Variants in KMT2C observed in about 807,000 individuals in gnomAD.
KMT2C encodes the protein lysine methyltransferase 2C, also known as histone-lysine N-methyltransferase 2C.
KMT2C carries 88 observed loss-of-function variants against 507.9 expected under a neutral mutation model. The observed-to-expected ratio is 0.17, with a 90% confidence interval of 0.15 to 0.21. The LOEUF (loss-of-function observed/expected upper bound fraction) is 0.21, where lower values mean the gene tolerates loss of function less well. KMT2C is among the 10% of genes least tolerant of loss of function. The pLI is 1.00. For synonymous variants in KMT2C, 2,049 were observed against 2,080.8 expected, an observed-to-expected ratio of 0.98 and a Z score of 0.42; for missense variants, 4,954 against 5,957.8, an observed-to-expected ratio of 0.83 and a Z score of 5.55.
intron 44 of KMT2C, chr7:152,157,873 T>C (rs41274985): frequency 2.4e-4 from 328 of 1,339,416 alleles, no homozygotes; most frequent in Non-Finnish European, 3.2e-4. Flanking sequence ...AGGAAGAAAG[T>C]GCGCAAAGTT....
chr7:152,214,088 T>C (rs564351203), intron 23 of KMT2C, among the ~76,000 whole-genome samples: 1 of 152,076 alleles, frequency 6.6e-6, no homozygotes, highest in South Asian at 2.1e-4. Context: ...TGAGGATGTG[T>C]AGAAAACGAA....
chr7:152,156,066 GC>G lies in KMT2C; in HGVS notation c.11813-10del, dbSNP rs747394136. The stretch of plus-strand genomic sequence containing the variant: ...TCCTAGAGTTTTGGTAACTGGAAAA[GC>G]AAAAACACAAAACCATAAATACATT... On this transcript the variant is annotated splice_polypyrimidine_tract_variant and intron_variant, in intron 45 of 58. Coordinates refer to ENST00000262189, the MANE Select transcript of KMT2C (RefSeq NM_170606.3). 1 of 1,595,164 alleles carries G rather than the reference GC, an allele frequency of 6.3e-7. No homozygotes were observed. Among genetic ancestry groups the G allele is most frequent in the Non-Finnish European group, 8.5e-7 (1 of 1,172,976 alleles).
chr7:152,345,399 A>G (rs549482503), intron 2 of KMT2C, among the ~76,000 whole-genome samples: 57 of 152,016 alleles, frequency 3.7e-4, no homozygotes, highest in Middle Eastern at 6.8e-3. Flanking sequence ...ATATGATGGC[A>G]CCACTGCACT....
intron 51 of KMT2C, among the ~76,000 whole-genome samples, chr7:152,150,554 G>C (rs950181271): frequency 6.6e-6 from 1 of 152,084 alleles, no homozygotes; most frequent in African/African-American, 2.4e-5. Context: ...GGCAGAGTCT[G>C]CAGTGAGCCA....
chr7:152,433,906 G>C (rs560333794), intron 1 of KMT2C, among the ~76,000 whole-genome samples: 1 of 152,266 alleles, frequency 6.6e-6, no homozygotes, highest in Non-Finnish European at 1.5e-5. Flanking sequence ...GGAGTATGGG[G>C]TGTGGGGTGT....
chr7:152,400,437 T>C (rs1396509052), intron 1 of KMT2C, among the ~76,000 whole-genome samples: 1 of 152,158 alleles, frequency 6.6e-6, no homozygotes. Flanking sequence ...GAAATTTCAG[T>C]TTAATGAGGA....
intron 54 of KMT2C, 33 bp downstream of exon 54, chr7:152,145,120 T>C (rs746744209): frequency 1.9e-6 from 3 of 1,602,634 alleles, no homozygotes; most frequent in Admixed American, 1.7e-5. Context: ...CTAGAAACCC[T>C]GGGCTGTACT....
chr7:152,411,958 C>G (rs1314027112), intron 1 of KMT2C, among the ~76,000 whole-genome samples: 3 of 152,316 alleles, frequency 2.0e-5, no homozygotes, highest in Admixed American at 6.5e-5. Context: ...ATTCTTTGGT[C>G]AATTTTGCAG....
At chr7:152,297,085 GAGAGAGAGAA>G (rs1159644667) in intron 6 of KMT2C, among the ~76,000 whole-genome samples, 14 of 149,930 alleles carry the variant, frequency 9.3e-5, no homozygotes, top group South Asian at 6.4e-4. Context: ...GAGAGAGAGA[GAGAGAGAGAA>G]AGAAAGAAAG....
chr7:152,169,874 T>C (rs2092886368), intron 40 of KMT2C, among the ~76,000 whole-genome samples: 1 of 152,126 alleles, frequency 6.6e-6, no homozygotes, highest in African/African-American at 2.4e-5. Context: ...ATAAAAAGTA[T>C]TTAATTCGTT....
chr7:152,240,644 G>A (rs1286132897), intron 14 of KMT2C, among the ~76,000 whole-genome samples: 2 of 152,244 alleles, frequency 1.3e-5, no homozygotes, highest in African/African-American at 4.8e-5. Flanking sequence ...TCCCTTAACC[G>A]GTTTCATCCC....
At chr7:152,191,373 A>G (rs1037807940) in intron 31 of KMT2C, among the ~76,000 whole-genome samples, 1 of 152,176 alleles carries the variant, frequency 6.6e-6, no homozygotes, top group African/African-American at 2.4e-5. Context: ...GTTTATACAT[A>G]GTCTAATTCA....
chr7:152,251,901 A>T, intron 11 of KMT2C, 38 bp downstream of exon 11: 1 of 1,529,666 alleles, frequency 6.5e-7, no homozygotes, highest in Non-Finnish European at 8.8e-7. Flanking sequence ...AACATTACAA[A>T]AACAAAAAAT....
At chr7:152,303,144 A>G (rs2096586061) in intron 6 of KMT2C, among the ~76,000 whole-genome samples, 1 of 152,206 alleles carries the variant, frequency 6.6e-6, no homozygotes, top group Non-Finnish European at 1.5e-5. Context: ...TTTCTCTAGT[A>G]AAAAATGAAT....
chr7:152,415,297 T>C (rs1299719443), intron 1 of KMT2C, among the ~76,000 whole-genome samples: 2 of 151,488 alleles, frequency 1.3e-5, no homozygotes, highest in Non-Finnish European at 2.9e-5. Flanking sequence ...AATCAAATGA[T>C]TTTACTTTCT....
rs775240894 is a variant in KMT2C, at chr7:152,177,108, T to C, written c.8345A>G (p.Asp2782Gly). The C allele has an allele frequency of 1.1e-5, 17 of 1,613,046 alleles. No individual in the cohort carries two copies. Among genetic ancestry groups the C allele is most frequent in the Admixed American group, 3.3e-5 (2 of 60,000 alleles). Residue 2782 changes from aspartate (D) to glycine (G), a missense_variant, in exon 38 of 59, where the codon GAT (aspartate) becomes GGT (glycine). This residue lies in a region of KMT2C where 1,689 missense variants were observed against 1,654.3 expected (regional missense o/e 1.02). Coordinates refer to ENST00000262189, the MANE Select transcript of KMT2C (RefSeq NM_170606.3). ...MFNEELDLPI[D>G]DKLDNQCVSV... ...TACACACTGATTATCTAACTTATCA[T>C]CAATTGGAAGGTCTAGTTCCTCATT...
rs909480295 is a variant in KMT2C, at chr7:152,203,003, A to T, written c.4023T>A (p.Thr1341=). The T allele has an allele frequency of 6.2e-6, 10 of 1,610,036 alleles. No homozygotes were observed. The African/African-American group carries it at 1.3e-4, about 22-fold the overall frequency. Residue 1341 remains threonine (T), a synonymous_variant, in exon 26 of 59, where the codon ACT becomes ACA. Coordinates refer to ENST00000262189, the MANE Select transcript of KMT2C (RefSeq NM_170606.3). ...VDESVSVTES[T]EKIKKRYRKR... is the part of the protein sequence containing the mutation. ...TTCGGTATCTCTTCTTTATTTTTTC[A>T]GTGCTTTCAGTAACAGAAACAGATT...
In KMT2C at chr7:152,163,019, G is replaced by C; in HGVS notation, c.10558C>G (p.Pro3520Ala). Residue 3520 changes from proline to alanine, a missense_variant, in exon 43 of 59, where the codon CCA becomes GCA. Physicochemically the swap from Pro to Ala is conservative, Grantham distance 27. Transcript: ENST00000262189. ...VGPPSFVPDSPSIPVGSPNFS... is the reference protein window; with the variant it reads ...VGPPSFVPDSASIPVGSPNFS... Reference sequence around the variant, plus strand: ...TTTGGGCTTCCAACAGGGATTGATGGTGAATCAGGAACAAATGAAGGAGGG... The same window carrying C: ...TTTGGGCTTCCAACAGGGATTGATGCTGAATCAGGAACAAATGAAGGAGGG... The C allele has an allele frequency of 6.2e-7, 1 of 1,614,188 alleles. No homozygotes were observed. Among genetic ancestry groups the C allele is most frequent in the Non-Finnish European group, 8.5e-7 (1 of 1,180,038 alleles).
rs1315629061 is a variant in KMT2C, at chr7:152,297,055, C to CAGACAGACAGAGAGAG, written c.849+12910_849+12911insCTCTCTCTGTCTGTCT. ...AAAGAAAGAAAGAAAGAAAGAAAGA[C>CAGACAGACAGAGAGAG]AGAGAGAGAGAGAGAGAGAGAGAGA... On this transcript the variant is annotated intron_variant, in intron 6 of 58. Transcript: ENST00000262189. Among the ~76,000 whole-genome samples, 85 of 84,420 alleles carry CAGACAGACAGAGAGAG rather than the reference C, an allele frequency of 1.0e-3. 1 individual carries two copies. Among genetic ancestry groups the CAGACAGACAGAGAGAG allele is most frequent in the Middle Eastern group, 6.0e-3 (1 of 166 alleles). The allele number at this position is 84,420 out of a possible 152,430, so 55.4% of individuals were successfully genotyped here.
Sources: allele counts gnomAD v4.1 joint callset (sites outside exome capture counted in the v4.1 genomes callset), GRCh38; gene constraint gnomAD v4.1.1; regional missense constraint gnomAD v4.1.1; transcripts MANE v1.5; gene names NCBI Gene and HGNC (gene_info 2026-07-23, HGNC 2026-07-21).